Variants in CPED1 observed in about 807,000 individuals in gnomAD.
CPED1 encodes the protein cadherin like and PC-esterase domain containing 1.
A neutral mutation model predicts 128.2 loss-of-function variants in CPED1; 114 were observed. That is an observed-to-expected ratio of 0.89 (90% confidence interval 0.76 to 1.04). CPED1 has a LOEUF of 1.04. CPED1 is among the 50% of genes least tolerant of loss of function. The pLI is 0.00. For synonymous variants in CPED1, 462 were observed against 426.7 expected (o/e 1.08, Z -1.02); for missense variants, 1,211 against 1,207.1 (o/e 1.00, Z -0.05).
intron 3 of CPED1, among the ~76,000 whole-genome samples, chr7:121,027,913 T>C (rs1792636512): frequency 6.6e-6 from 1 of 152,028 alleles, no homozygotes; most frequent in Non-Finnish European, 1.5e-5. Context: ...CACCTCCTTA[T>C]CAGAGTCACT....
chr7:121,125,793 T>G, intron 8 of CPED1, 27 bp from the exon 9 acceptor site: 1 of 1,560,268 alleles, frequency 6.4e-7, no homozygotes, highest in Admixed American at 1.7e-5. Flanking sequence ...ATCTTTACTT[T>G]TATGGTACCT....
At chr7:120,996,486 A>G (rs1796407739) in intron 2 of CPED1, among the ~76,000 whole-genome samples, 1 of 152,068 alleles carries the variant, frequency 6.6e-6, no homozygotes, top group Non-Finnish European at 1.5e-5. Flanking sequence ...ACCAGCTTGC[A>G]TGTTGCTTCC....
chr7:121,291,027 C>T (rs1244089697), intron 22 of CPED1, among the ~76,000 whole-genome samples: 2 of 152,176 alleles, frequency 1.3e-5, no homozygotes, highest in African/African-American at 4.8e-5. Context: ...ATATGGCTAG[C>T]CAGTTTTCCC....
intron 2 of CPED1, among the ~76,000 whole-genome samples, chr7:120,999,083 T>A (rs1791756154): frequency 6.6e-6 from 1 of 152,184 alleles, no homozygotes; most frequent in South Asian, 2.1e-4. Context: ...AGTCGATGAA[T>A]GAATAAATAA....
At chr7:121,293,824 C>A (rs1792764210) in intron 22 of CPED1, among the ~76,000 whole-genome samples, 1 of 151,988 alleles carries the variant, frequency 6.6e-6, no homozygotes, top group South Asian at 2.1e-4. Flanking sequence ...TGCTTGCCCT[C>A]CATGGGCTGC....
chr7:121,002,311 A>G (rs1791882527), intron 2 of CPED1, among the ~76,000 whole-genome samples: 1 of 152,204 alleles, frequency 6.6e-6, no homozygotes, highest in Non-Finnish European at 1.5e-5. Context: ...TAACTTTTCT[A>G]TAGTAGTGAA....
chr7:121,181,768 A>G (rs935998227), intron 16 of CPED1, among the ~76,000 whole-genome samples: 2 of 152,170 alleles, frequency 1.3e-5, no homozygotes, highest in East Asian at 3.8e-4. Context: ...TTTTACAAAT[A>G]AGAAAAATAA....
intron 4 of CPED1, chr7:121,050,320 C>T (rs1793313258): frequency 6.5e-6 from 1 of 152,836 alleles, no homozygotes; most frequent in South Asian, 2.1e-4. Context: ...TACAAATCCT[C>T]ATTCATATCT....
chr7:121,155,961 T>G (rs1027604940), intron 16 of CPED1, among the ~76,000 whole-genome samples: 2 of 151,974 alleles, frequency 1.3e-5, no homozygotes, highest in East Asian at 3.9e-4. Context: ...ATAACAAGGA[T>G]TCAATAACTA....
In CPED1 at chr7:121,296,605, T is replaced by A. The variant is rs1324636833; in HGVS notation, c.*953T>A. 2 of 152,154 alleles carry A rather than the reference T, an allele frequency of 1.3e-5. No individual in the cohort carries two copies. Among genetic ancestry groups the A allele is most frequent in the African/African-American group, 4.8e-5 (2 of 41,462 alleles). The allele number at this position is 152,154 out of a possible 1,614,324, so 9.4% of individuals were successfully genotyped here. On this transcript the variant is annotated 3_prime_UTR_variant, in exon 23 of 23. Coordinates refer to ENST00000310396, the MANE Select transcript of CPED1 (RefSeq NM_024913.5). ...TTGCATATGTCCACAAATAGTATTA[T>A]GTTACTAGTATCTATATTTTGATTT...
intron 2 of CPED1, among the ~76,000 whole-genome samples, chr7:121,004,807 C>T (rs992771159): frequency 1.2e-4 from 18 of 152,094 alleles, no homozygotes; most frequent in African/African-American, 4.3e-4. Flanking sequence ...GGGCTAATAT[C>T]CTAATGTGTG....
chr7:121,278,962 G>A (rs753496368), intron 22 of CPED1, among the ~76,000 whole-genome samples: 1 of 152,064 alleles, frequency 6.6e-6, no homozygotes, highest in Non-Finnish European at 1.5e-5. Flanking sequence ...ACTCCTTCAT[G>A]TTCTTTGCAA....
intron 16 of CPED1, among the ~76,000 whole-genome samples, chr7:121,229,855 A>G (rs10229865): frequency 0.041 from 6,272 of 151,992 alleles, 415 homozygotes; most frequent in African/African-American, 0.14. Flanking sequence ...AGACCTTGAG[A>G]AGGAAATGCT....
rs1049690211 is a variant in CPED1, at chr7:121,097,730, T to G, written c.648T>G (p.Cys216Trp). The G allele has an allele frequency of 1.9e-6, 3 of 1,613,748 alleles. No individual in the cohort carries two copies. Among genetic ancestry groups the G allele is most frequent in the Non-Finnish European group, 2.5e-6 (3 of 1,179,802 alleles). Residue 216 changes from cysteine to tryptophan, a missense_variant, in exon 6 of 23, where the codon TGT (cysteine) becomes TGG (tryptophan). By Grantham distance (215) the Cys-to-Trp change is radical (BLOSUM62 -2). Coordinates refer to ENST00000310396, the MANE Select transcript of CPED1 (RefSeq NM_024913.5). ...ELQLPVSPSV[C>W]LDQGMQLKPS... ...AACTTCCAGTGAGTCCCTCTGTGTG[T>G]CTGGATCAGGGAATGCAATTAAAGC...
intron 16 of CPED1, among the ~76,000 whole-genome samples, chr7:121,202,433 G>C (rs1307611212): frequency 6.6e-6 from 1 of 152,110 alleles, no homozygotes; most frequent in Non-Finnish European, 1.5e-5. Flanking sequence ...CCATAAGAGG[G>C]TTTAAGCCTG....
At chr7:121,273,987 A>G (rs536889886) in intron 22 of CPED1, among the ~76,000 whole-genome samples, 1 of 152,260 alleles carries the variant, frequency 6.6e-6, no homozygotes, top group Admixed American at 6.5e-5. Context: ...AAGACAACAT[A>G]GAGATTGGTT....
chr7:121,032,950 C>G (rs1227599939), intron 3 of CPED1, among the ~76,000 whole-genome samples: 1 of 152,144 alleles, frequency 6.6e-6, no homozygotes, highest in Non-Finnish European at 1.5e-5. Flanking sequence ...TTACTCATTA[C>G]CCAGCTTCCT....
chr7:121,151,069 A>AT (rs1584550247), intron 16 of CPED1, among the ~76,000 whole-genome samples: 4 of 152,034 alleles, frequency 2.6e-5, no homozygotes, highest in African/African-American at 9.7e-5. Context: ...TGGCTGATGT[A>AT]TTTTTTAAAG....
chr7:121,272,380 A>G (rs1162622329), intron 22 of CPED1, among the ~76,000 whole-genome samples: 1 of 150,364 alleles, frequency 6.7e-6, no homozygotes, highest in Non-Finnish European at 1.5e-5. Flanking sequence ...CTAGCATGCT[A>G]CTTCTTTTTT....
Sources: allele counts gnomAD v4.1 joint callset (sites outside exome capture counted in the v4.1 genomes callset), GRCh38; gene constraint gnomAD v4.1.1; transcripts MANE v1.5; gene names NCBI Gene and HGNC (gene_info 2026-07-23, HGNC 2026-07-21).